The following CSRNP3 variants were observed in gnomAD, a reference collection of about 807,000 sequenced individuals.
CSRNP3 encodes cysteine and serine rich nuclear protein 3.
CSRNP3 carries 12 observed loss-of-function variants against 48.0 expected under a neutral mutation model. The observed-to-expected ratio is 0.25, with a 90% confidence interval of 0.16 to 0.41. CSRNP3 has a LOEUF of 0.41. Among genes scored for constraint, CSRNP3 ranks in the 10% least tolerant of loss-of-function variants. The pLI, the probability that CSRNP3 is intolerant of heterozygous loss-of-function variation, is 1.00. For synonymous variants in CSRNP3, 263 were observed against 269.7 expected, an observed-to-expected ratio of 0.98 and a Z score of 0.24; for missense variants, 580 against 724.4, an observed-to-expected ratio of 0.80 and a Z score of 2.29.
intron 3 of CSRNP3, among the ~76,000 whole-genome samples, chr2:165,524,976 G>A (rs1017417516): frequency 2.0e-5 from 3 of 152,164 alleles, no homozygotes; most frequent in African/African-American, 7.2e-5. Context: ...CATGATGAGT[G>A]TATGTTTAGC....
chr2:165,558,197 G>A (rs963055871), intron 3 of CSRNP3, among the ~76,000 whole-genome samples: 1 of 152,122 alleles, frequency 6.6e-6, no homozygotes, highest in African/African-American at 2.4e-5. Context: ...TATTTTATTT[G>A]GCCAGCATGG....
intron 4 of CSRNP3, among the ~76,000 whole-genome samples, chr2:165,615,265 C>T (rs540682859): frequency 4.6e-5 from 7 of 152,166 alleles, no homozygotes; most frequent in East Asian, 1.9e-4. Flanking sequence ...TATCCTTTGC[C>T]GGGTGTGGTG....
At chr2:165,546,870 T>C (rs1685037103) in intron 3 of CSRNP3, among the ~76,000 whole-genome samples, 1 of 152,338 alleles carries the variant, frequency 6.6e-6, no homozygotes, top group African/African-American at 2.4e-5. Context: ...TAAAGATGGA[T>C]TTACAACTGA....
rs372491479 is a variant in CSRNP3, at chr2:165,679,124, G to C, written c.1129G>C (p.Glu377Gln). Residue 377 changes from glutamate to glutamine, a missense_variant, in exon 7 of 7, where the codon GAA becomes CAA. Glu to Gln is a conservative substitution (Grantham distance 29, BLOSUM62 2). This residue lies in a region of CSRNP3 where 369 missense variants were observed against 380.8 expected (regional missense o/e 0.97). Transcript: ENST00000651982. Reference sequence around the variant, plus strand: ...GTCAGACGAGGAGGAGGAGGAAGAAGAAGAGGAAGAGGAGGAGGAGGATGA... The same window carrying C: ...GTCAGACGAGGAGGAGGAGGAAGAACAAGAGGAAGAGGAGGAGGAGGATGA... Reference protein sequence around the residue: ...SESDEEEEEEEEEEEEEDDDD... With the variant: ...SESDEEEEEEQEEEEEEDDDD... 4.3e-6 allele frequency: 7 copies of C among 1,613,750 alleles called. No individual in the cohort carries two copies. In the South Asian group the frequency reaches 4.4e-5, roughly 10 times the overall value.
At chr2:165,676,191 C>T (rs1048417763) in intron 5 of CSRNP3, 121 bp from the exon 6 acceptor site, 2 of 761,898 alleles carry the variant, frequency 2.6e-6, no homozygotes, top group African/African-American at 3.5e-5. Context: ...AATGATCTAA[C>T]AAACACTTGT....
chr2:165,555,232 T>C (rs1412628168), intron 3 of CSRNP3, among the ~76,000 whole-genome samples: 1 of 152,218 alleles, frequency 6.6e-6, no homozygotes, highest in African/African-American at 2.4e-5. Flanking sequence ...TCTTTTTGCC[T>C]ACTTATTTGC....
chr2:165,489,259 T>G (rs1684167426), intron 1 of CSRNP3, among the ~76,000 whole-genome samples: 2 of 150,800 alleles, frequency 1.3e-5, no homozygotes, highest in African/African-American at 4.9e-5. Context: ...AGAAGTTGAA[T>G]CTCTGAATAG....
At chr2:165,574,068 T>G (rs1685410530) in intron 3 of CSRNP3, 1 of 380,262 alleles carries the variant, frequency 2.6e-6, no homozygotes, top group Admixed American at 4.3e-5. Flanking sequence ...AATGTGATGC[T>G]GACAGCCCAG....
chr2:165,503,839 T>C (rs971486475), intron 2 of CSRNP3, among the ~76,000 whole-genome samples: 1 of 151,968 alleles, frequency 6.6e-6, no homozygotes, highest in African/African-American at 2.4e-5. Context: ...GGTATAGTGC[T>C]TTAAAAATGG....
At chr2:165,632,177 T>A (rs950829386) in intron 4 of CSRNP3, among the ~76,000 whole-genome samples, 4 of 152,222 alleles carry the variant, frequency 2.6e-5, no homozygotes, top group Non-Finnish European at 5.9e-5. Flanking sequence ...AGTGTGAACA[T>A]GTTCTTTTTA....
intron 2 of CSRNP3, among the ~76,000 whole-genome samples, chr2:165,505,422 A>C (rs568503884): frequency 6.6e-6 from 1 of 152,278 alleles, no homozygotes; most frequent in South Asian, 2.1e-4. Context: ...GGGTTAAACA[A>C]TAAATTATTC....
chr2:165,627,251 T>C (rs1686451508), intron 4 of CSRNP3, among the ~76,000 whole-genome samples: 1 of 152,160 alleles, frequency 6.6e-6, no homozygotes, highest in Non-Finnish European at 1.5e-5. Flanking sequence ...GCCTACTCAT[T>C]TCCTCTTTAT....
intron 1 of CSRNP3, among the ~76,000 whole-genome samples, chr2:165,486,371 GGCGCC>G (rs1276691093): frequency 2.0e-5 from 3 of 151,044 alleles, no homozygotes; most frequent in African/African-American, 7.3e-5. Context: ...CTGGGGGAGG[GGCGCC>G]CGCCATTGCC....
At chr2:165,678,229 C>T (rs1038067175) in intron 6 of CSRNP3, among the ~76,000 whole-genome samples, 2 of 152,086 alleles carry the variant, frequency 1.3e-5, no homozygotes, top group African/African-American at 4.8e-5. Flanking sequence ...GAAAAGTTAA[C>T]ATGGGGTACA....
chr2:165,668,910 TAA>T (rs1173962296), intron 5 of CSRNP3, among the ~76,000 whole-genome samples: 19 of 152,330 alleles, frequency 1.2e-4, no homozygotes, highest in African/African-American at 4.6e-4. Flanking sequence ...CAAATAAACC[TAA>T]GTTTGATCTT....
rs779314149 is a variant in CSRNP3, at chr2:165,595,091, T to C, written c.26T>C (p.Phe9Ser). Residue 9 changes from phenylalanine to serine, a missense_variant, in exon 4 of 7, where the codon TTT becomes TCT. Physicochemically the swap from Phe to Ser is radical, Grantham distance 155. This residue lies in a region of CSRNP3 where 83 missense variants were observed against 139.6 expected (regional missense o/e 0.59). Transcript: ENST00000651982. Reference protein sequence around the residue: MSGILKRKFEEVDGSSPCS... With the variant: MSGILKRKSEEVDGSSPCS... ...ATGAGTGGAATTTTAAAGAGGAAGT[T>C]TGAAGAAGTTGACGGCTCCTCACCC... 1.2e-6 allele frequency: 2 copies of C among 1,614,058 alleles called. No homozygotes were observed. Among genetic ancestry groups the C allele is most frequent in the Non-Finnish European group, 1.7e-6 (2 of 1,179,988 alleles).
intron 5 of CSRNP3, among the ~76,000 whole-genome samples, chr2:165,666,946 G>GGAAGGAAGGAA (rs1558968106): frequency 0.025 from 2,797 of 112,778 alleles, 1,088 homozygotes; most frequent in Non-Finnish European, 0.034. Flanking sequence ...AAGAAAGAAA[G>GGAAGGAAGGAA]AGAGAGAGGA....
chr2:165,639,617 G>C lies in CSRNP3; in HGVS notation c.149-18144G>C, dbSNP rs191250241. On this transcript the variant is annotated intron_variant, in intron 4 of 6. Transcript: ENST00000651982. ...AGGAGTTGCCATACCCAACAGCAAA[G>C]AAAGGACAAATCTGAGAATGACAAA... Among the ~76,000 whole-genome samples, 27 of 152,214 alleles carry C rather than the reference G, an allele frequency of 1.8e-4. 1 individual carries two copies. The highest frequency in any genetic ancestry group is 1.7e-3 in the Admixed American group (26 of 15,290).
intron 2 of CSRNP3, among the ~76,000 whole-genome samples, chr2:165,508,378 G>A (rs1558919892): frequency 6.6e-6 from 1 of 152,046 alleles, no homozygotes; most frequent in Non-Finnish European, 1.5e-5. Context: ...CCCTGAATAA[G>A]TCTCTTTTAT....
Sources: gnomAD v4.1 joint callset for allele counts (sites outside exome capture counted in the v4.1 genomes callset) on GRCh38, gnomAD v4.1.1 for gene constraint, gnomAD v4.1.1 regional missense constraint, MANE v1.5 for transcripts, NCBI Gene and HGNC (gene_info 2026-07-23, HGNC 2026-07-21) for gene names.